The following LRRC37A2 variants were observed in gnomAD, a reference collection of about 807,000 sequenced individuals.
LRRC37A2 encodes the protein leucine rich repeat containing 37 member A2, also known as leucine-rich repeat-containing protein 37A2.
A neutral mutation model predicts 68.8 loss-of-function variants in LRRC37A2; 9 were observed. The observed-to-expected ratio is 0.13, with a 90% confidence interval of 0.08 to 0.23. LRRC37A2 has a LOEUF of 0.23. LRRC37A2 is among the 10% of genes least tolerant of loss of function. LRRC37A2 has a pLI of 1.00. For synonymous variants in LRRC37A2, 63 were observed against 367.6 expected (o/e 0.17, Z 9.48); for missense variants, 168 against 950.4 (o/e 0.18, Z 10.82).
At chr17:46,802,557 C>G in the LRRC37A2 span, among the ~76,000 whole-genome samples, 3 of 152,258 alleles carry the variant, frequency 2.0e-5, no homozygotes, top group South Asian at 6.2e-4. Context: ...TGTGAGCCAC[C>G]GTGCCCGGCC....
chr17:46,931,656 C>T, the LRRC37A2 span: 1 of 240,492 alleles, frequency 4.2e-6, no homozygotes, highest in Non-Finnish European at 7.6e-6. Context: ...CCCTTGCCAC[C>T]TCCACCCCCA....
chr17:46,743,098 G>A, the LRRC37A2 span, among the ~76,000 whole-genome samples: 2 of 152,114 alleles, frequency 1.3e-5, no homozygotes, highest in Non-Finnish European at 2.9e-5. Context: ...TTCGGAGGGG[G>A]TGTCTGACCT....
chr17:46,913,925 AATTTTTGT>A, the LRRC37A2 span, among the ~76,000 whole-genome samples: 3 of 151,782 alleles, frequency 2.0e-5, no homozygotes, highest in African/African-American at 4.8e-5. Context: ...ATGCCCGGCT[AATTTTTGT>A]ATTTTTAGTA....
At chr17:46,880,250 GCAGA>G in the LRRC37A2 span, among the ~76,000 whole-genome samples, 2 of 152,166 alleles carry the variant, frequency 1.3e-5, no homozygotes, top group African/African-American at 2.4e-5. Context: ...TCATCACCTG[GCAGA>G]CAGACAGCCC....
chr17:46,766,228 G>A, the LRRC37A2 span, among the ~76,000 whole-genome samples: 1 of 152,120 alleles, frequency 6.6e-6, no homozygotes, highest in South Asian at 2.1e-4. Flanking sequence ...GGCCAGCATG[G>A]CGAAACCCGT....
At chr17:46,988,916 A>G in the LRRC37A2 span, among the ~76,000 whole-genome samples, 13 of 152,212 alleles carry the variant, frequency 8.5e-5, no homozygotes, top group Non-Finnish European at 1.9e-4. Flanking sequence ...ACAAGTAAAG[A>G]AACTAGATAA....
At chr17:46,817,020 C>G in the LRRC37A2 span, among the ~76,000 whole-genome samples, 3 of 152,194 alleles carry the variant, frequency 2.0e-5, no homozygotes, top group Non-Finnish European at 4.4e-5. Flanking sequence ...CCCAGCCCCC[C>G]GGAAAAGTGT....
chr17:46,710,948 C>T, the LRRC37A2 span: 1 of 1,574,342 alleles, frequency 6.4e-7, no homozygotes, highest in Non-Finnish European at 8.6e-7. Flanking sequence ...GCTTTAGACT[C>T]CTTTTTCTTA....
chr17:46,769,977 C>A, the LRRC37A2 span: 1 of 1,610,424 alleles, frequency 6.2e-7, no homozygotes, highest in East Asian at 2.2e-5. Context: ...GTGCCCTCGG[C>A]GCAGGAGCGG....
At chr17:46,787,308 C>T in the LRRC37A2 span, among the ~76,000 whole-genome samples, 5 of 83,766 alleles carry the variant, frequency 6.0e-5, no homozygotes, top group Admixed American at 2.7e-4. Flanking sequence ...AGGGCGGGGG[C>T]GGGGGAACAA....
chr17:46,499,311 C>CAAAA, the LRRC37A2 span, among the ~76,000 whole-genome samples: 13 of 60,546 alleles, frequency 2.1e-4, no homozygotes, highest in Non-Finnish European at 2.2e-4. Flanking sequence ...GACTCCAGCT[C>CAAAA]AAAAAAAAAA....
At chr17:47,037,307 G>A in the LRRC37A2 span, among the ~76,000 whole-genome samples, 20 of 151,816 alleles carry the variant, frequency 1.3e-4, no homozygotes, top group Admixed American at 3.3e-4. Context: ...GTTTCAGCAC[G>A]TTTATCAGGC....
the LRRC37A2 span, among the ~76,000 whole-genome samples, chr17:46,837,375 A>C: frequency 6.6e-6 from 1 of 152,210 alleles, no homozygotes; most frequent in African/African-American, 2.4e-5. Flanking sequence ...CTTCTTAGGC[A>C]GAATTTGGAG....
At chr17:46,758,391 C>T in the LRRC37A2 span, among the ~76,000 whole-genome samples, 1 of 152,168 alleles carries the variant, frequency 6.6e-6, no homozygotes, top group African/African-American at 2.4e-5. Flanking sequence ...CTTGAAGCTG[C>T]CCAAATATTC....
chr17:46,792,925 C>T, the LRRC37A2 span, among the ~76,000 whole-genome samples: 6 of 151,818 alleles, frequency 4.0e-5, no homozygotes, highest in South Asian at 6.2e-4. Flanking sequence ...CCAAGTGACT[C>T]GTCTAAAGTC....
chr17:46,774,023 C>A, the LRRC37A2 span: 2 of 1,441,690 alleles, frequency 1.4e-6, no homozygotes, highest in Non-Finnish European at 1.9e-6. Context: ...AGGGCCTGTG[C>A]CCTGGCACCT....
the LRRC37A2 span, among the ~76,000 whole-genome samples, chr17:46,716,917 T>C: frequency 2.0e-5 from 3 of 152,258 alleles, no homozygotes; most frequent in Admixed American, 2.0e-4. Flanking sequence ...CTAAAGCTAA[T>C]CTGAACATTA....
the LRRC37A2 span, among the ~76,000 whole-genome samples, chr17:46,585,420 G>T: frequency 4.5e-4 from 41 of 90,606 alleles, 1 homozygote; most frequent in East Asian, 9.5e-3. Flanking sequence ...ACCCCAGTCG[G>T]CTGTGGTGTG....
the LRRC37A2 span, among the ~76,000 whole-genome samples, chr17:46,622,796 G>T: frequency 6.7e-6 from 1 of 150,294 alleles, no homozygotes; most frequent in Non-Finnish European, 1.5e-5. Context: ...ACATAAATAA[G>T]AAATTGTGTA....
Sources: allele counts gnomAD v4.1 joint callset (sites outside exome capture counted in the v4.1 genomes callset), GRCh38; gene constraint gnomAD v4.1.1; transcripts MANE v1.5; gene names NCBI Gene and HGNC (gene_info 2026-07-23, HGNC 2026-07-21).